Variants in TMCO4 observed in about 807,000 individuals in gnomAD.
The protein encoded by TMCO4 is transmembrane and coiled-coil domains 4.
A neutral mutation model predicts 64.7 loss-of-function variants in TMCO4; 58 were observed. The observed-to-expected ratio is 0.90, with a 90% confidence interval of 0.73 to 1.12. The LOEUF (loss-of-function observed/expected upper bound fraction) is 1.12. Ranked by LOEUF, TMCO4 falls within the 50% of genes most tolerant of loss-of-function variation. The pLI is 0.00. For missense variants in TMCO4, 780 were observed against 825.9 expected, an observed-to-expected ratio of 0.94 and a Z score of 0.68; for synonymous variants, 325 against 346.1, an observed-to-expected ratio of 0.94 and a Z score of 0.68.
At chr1:19,730,792 G>C (rs764084213) in intron 13 of TMCO4, among the ~76,000 whole-genome samples, 19 of 152,224 alleles carry the variant, frequency 1.2e-4, no homozygotes, top group Non-Finnish European at 2.4e-4. Context: ...GTGGAGAGGG[G>C]AGGCTGGTGG....
At chr1:19,694,576 G>T in intron 14 of TMCO4, 25 bp from the exon 15 acceptor site, 1 of 1,607,872 alleles carries the variant, frequency 6.2e-7, no homozygotes, top group South Asian at 1.1e-5. Flanking sequence ...AGAAGCATGT[G>T]AACATTAGCA....
intron 13 of TMCO4, 146 bp from the exon 14 acceptor site, chr1:19,701,031 T>TACAC: frequency 1.5e-6 from 1 of 654,178 alleles, no homozygotes; most frequent in East Asian, 2.8e-5. Flanking sequence ...AATGTGCATG[T>TACAC]ACACACATGC....
In TMCO4 at chr1:19,725,824, G is replaced by T. The variant is rs903977577; in HGVS notation, c.1264+11548C>A. On this transcript the variant is annotated intron_variant, in intron 13 of 15. Coordinates refer to ENST00000294543, the MANE Select transcript of TMCO4 (RefSeq NM_181719.7). ...CTGTGTGTGTGTGCCAGCCGATCAA[G>T]CCCGATGGACAGTCTGGAATGGAGC... Among the ~76,000 whole-genome samples, 36 of 152,216 alleles carry T rather than the reference G, an allele frequency of 2.4e-4. 2 individuals are homozygous for T.
At chr1:19,725,900 C>G (rs1346781778) in intron 13 of TMCO4, among the ~76,000 whole-genome samples, 5 of 152,232 alleles carry the variant, frequency 3.3e-5, no homozygotes, top group Non-Finnish European at 7.3e-5. Flanking sequence ...GATCAACCAG[C>G]TGGCCCAGGC....
chr1:19,735,226 G>A (rs533340488), intron 13 of TMCO4, among the ~76,000 whole-genome samples: 6 of 152,328 alleles, frequency 3.9e-5, no homozygotes, highest in African/African-American at 1.4e-4. Flanking sequence ...TTTACTGAGT[G>A]TACCCAAACT....
At chr1:19,745,441 TG>T (rs1170355229) in intron 10 of TMCO4, 90 bp downstream of exon 10, 15 of 1,584,100 alleles carry the variant, frequency 9.5e-6, no homozygotes. Context: ...TCCCTATACC[TG>T]CTCCCTAGTG....
chr1:19,781,664 T>G (rs1236928274), intron 3 of TMCO4, among the ~76,000 whole-genome samples: 1 of 150,932 alleles, frequency 6.6e-6, no homozygotes, highest in Non-Finnish European at 1.5e-5. Context: ...TTTTTTCTTT[T>G]GAGATGGAGT....
At chr1:19,714,134 A>C (rs2095344773) in intron 13 of TMCO4, among the ~76,000 whole-genome samples, 1 of 152,234 alleles carries the variant, frequency 6.6e-6, no homozygotes, top group South Asian at 2.1e-4. Context: ...ACGGGTTTTC[A>C]CCATGTTGGC....
At chr1:19,717,714 C>T (rs1427585248) in intron 13 of TMCO4, among the ~76,000 whole-genome samples, 1 of 152,130 alleles carries the variant, frequency 6.6e-6, no homozygotes, top group African/African-American at 2.4e-5. Flanking sequence ...TCCTTCAAAG[C>T]CTGCCCTCTC....
intron 15 of TMCO4, among the ~76,000 whole-genome samples, chr1:19,683,759 T>C (rs1159112150): frequency 1.1e-4 from 1 of 8,920 alleles, no homozygotes; most frequent in Non-Finnish European, 3.9e-4. Context: ...TGTCTGAAGC[T>C]TTTTTTTTTT....
chr1:19,791,183 T>G (rs1196179707), intron 2 of TMCO4, among the ~76,000 whole-genome samples: 6 of 152,010 alleles, frequency 3.9e-5, no homozygotes, highest in African/African-American at 1.5e-4. Flanking sequence ...GAGAGAGCAT[T>G]AGGAAAAACA....
chr1:19,755,856 A>G, intron 6 of TMCO4, 90 bp from the exon 7 acceptor site: 1 of 1,499,784 alleles, frequency 6.7e-7, no homozygotes. Context: ...CCCACACTAG[A>G]AACAGCCTAA....
chr1:19,729,714 G>A (rs1421682172), intron 13 of TMCO4, among the ~76,000 whole-genome samples: 1 of 152,028 alleles, frequency 6.6e-6, no homozygotes. Flanking sequence ...GCAGTAAGCT[G>A]AGATTGCACC....
intron 13 of TMCO4, among the ~76,000 whole-genome samples, chr1:19,713,468 T>C (rs1267267051): frequency 1.3e-5 from 2 of 152,076 alleles, no homozygotes; most frequent in Admixed American, 6.6e-5. Context: ...TTTGGGGATG[T>C]GGTTTTGGGA....
At chr1:19,686,355 G>A (rs2095149677) in intron 15 of TMCO4, among the ~76,000 whole-genome samples, 1 of 152,256 alleles carries the variant, frequency 6.6e-6, no homozygotes, top group African/African-American at 2.4e-5. Flanking sequence ...TTTAAAAAAA[G>A]GACAGGAAAA....
At chr1:19,705,312 G>C (rs534960518) in intron 13 of TMCO4, among the ~76,000 whole-genome samples, 2 of 152,008 alleles carry the variant, frequency 1.3e-5, no homozygotes, top group Non-Finnish European at 2.9e-5. Context: ...TTAGCCAGGC[G>C]TGGTGGTGGG....
chr1:19,763,053 G>T lies in TMCO4; in HGVS notation c.383-7287C>A, dbSNP rs1030894107. ...AGCCTCAGTTTCTTCATCTGCAAAA[G>T]GGGAATAAGAATATCTTTTTCTTTT... On this transcript the variant is annotated intron_variant, in intron 6 of 15. Transcript: ENST00000294543. Among the ~76,000 whole-genome samples, 6 of 152,148 alleles carry T rather than the reference G, an allele frequency of 3.9e-5. No homozygotes were observed. In the South Asian group the frequency reaches 8.3e-4, roughly 21 times the overall value.
At position 19,739,827 on chromosome 1, in the gene TMCO4, C is replaced by A; in HGVS notation, c.1176G>T (p.Gln392His). ...CCACACAGCCATTCCCAGGTACCTG[C>A]TGCCGGGAGAGCAGGATGTGGGCCA... ...KHLAHILLSR[Q>H]QGRRPVTLIG... The change falls in exon 12 of 16, where the codon CAG (glutamine) becomes CAT (histidine). Residue 392 changes from glutamine to histidine, a missense_variant. Coordinates refer to ENST00000294543, the MANE Select transcript of TMCO4 (RefSeq NM_181719.7). The A allele has an allele frequency of 6.2e-7, 1 of 1,612,944 alleles. No individual in the cohort carries two copies. The highest frequency in any genetic ancestry group is 8.5e-7 in the Non-Finnish European group (1 of 1,179,584).
At chr1:19,774,953 G>A (rs185676258) in intron 4 of TMCO4, among the ~76,000 whole-genome samples, 9 of 152,280 alleles carry the variant, frequency 5.9e-5, no homozygotes, top group Admixed American at 5.9e-4. Context: ...CAGTGGTTAT[G>A]TCCCTGAGCA....
Sources: allele counts gnomAD v4.1 joint callset (sites outside exome capture counted in the v4.1 genomes callset), GRCh38; gene constraint gnomAD v4.1.1; transcripts MANE v1.5; gene names NCBI Gene and HGNC (gene_info 2026-07-23, HGNC 2026-07-21).